EVL: variants seen among roughly 807,000 people sequenced by gnomAD.
The protein encoded by EVL is ena/VASP-like protein.
Under a neutral mutation model 59.6 loss-of-function variants are expected in EVL, and 21 were observed. The ratio of observed to expected loss-of-function variants is 0.35; its 90% CI spans 0.25 to 0.51. EVL has a LOEUF of 0.51. Among genes scored for constraint, EVL ranks in the 20% least tolerant of loss-of-function variants. EVL has a pLI of 0.97. For missense variants in EVL, 462 were observed against 546.6 expected (o/e 0.85, Z 1.54); for synonymous variants, 198 against 203.5 (o/e 0.97, Z 0.23).
chr14:100,003,184 G>C (rs1566966386), intron 1 of EVL, among the ~76,000 whole-genome samples: 2 of 152,094 alleles, frequency 1.3e-5, no homozygotes, highest in South Asian at 4.1e-4. Context: ...TTGAGGAGTT[G>C]AATAGCTTTA....
Position 100,065,483 on chromosome 14 carries a change from TG to T in EVL, c.-17del. The stretch of plus-strand genomic sequence containing the variant: ...GGACTCGCCTCCTCAGGGTTCCCTG[TG>T]CTGCCACTTTTCAGCCATGGCCACA... On this transcript the variant is annotated 5_prime_UTR_variant, in exon 1 of 14. Transcript: ENST00000392920. 1 of 1,513,248 alleles carries T rather than the reference TG, an allele frequency of 6.6e-7. No individual in the cohort carries two copies. The highest frequency in any genetic ancestry group is 8.9e-7 in the Non-Finnish European group (1 of 1,119,108). The allele number at this position is 1,513,248 out of a possible 1,614,324, so 93.7% of individuals were successfully genotyped here. A position where few individuals can be genotyped will look rare whatever the true frequency, so the allele number is the denominator to read the frequency against.
intron 1 of EVL, among the ~76,000 whole-genome samples, chr14:100,083,500 T>C (rs1443558678): frequency 6.6e-6 from 1 of 152,136 alleles, no homozygotes; most frequent in Admixed American, 6.5e-5. Flanking sequence ...GGAATTCTAA[T>C]ATGCTAGAGA....
At chr14:100,027,531 A>G (rs1466244250) in intron 1 of EVL, among the ~76,000 whole-genome samples, 2 of 152,048 alleles carry the variant, frequency 1.3e-5, no homozygotes, top group Non-Finnish European at 2.9e-5. Flanking sequence ...GCCTCATTTC[A>G]CTTAACGTAA....
intron 1 of EVL, among the ~76,000 whole-genome samples, chr14:100,070,266 C>A (rs1212438974): frequency 1.3e-5 from 2 of 151,954 alleles, no homozygotes; most frequent in Non-Finnish European, 2.9e-5. Flanking sequence ...GACCCTACCT[C>A]AAAAAGAAAA....
At chr14:99,993,804 G>A (rs1191268022) in intron 1 of EVL, among the ~76,000 whole-genome samples, 2 of 146,424 alleles carry the variant, frequency 1.4e-5, no homozygotes, top group Non-Finnish European at 3.0e-5. Context: ...CGATTCTTCT[G>A]CCTCAGCCTC....
chr14:99,972,654 T>A lies in EVL; in HGVS notation c.5+597T>A, dbSNP rs2060742490. Reference sequence around the variant, plus strand: ...AGTGCAAGGCCCCCAAATGTACCGCTCGTTGATGTATCACCCAGCTCGGGA... The same window carrying A: ...AGTGCAAGGCCCCCAAATGTACCGCACGTTGATGTATCACCCAGCTCGGGA... On this transcript the variant is annotated intron_variant, in intron 1 of 13. Transcript: ENST00000402714. The surrounding 1 kb of genome is among the most constrained non-coding windows in gnomAD (Gnocchi z 4.4). Among the ~76,000 whole-genome samples, 2 of 152,120 alleles carry A rather than the reference T, an allele frequency of 1.3e-5. No homozygotes were observed. The highest frequency in any genetic ancestry group is 6.5e-5 in the Admixed American group (1 of 15,268).
chr14:100,072,715 C>T (rs538907482), intron 1 of EVL, among the ~76,000 whole-genome samples: 31 of 152,304 alleles, frequency 2.0e-4, no homozygotes, highest in Admixed American at 6.5e-4. Flanking sequence ...TCACATGTGG[C>T]AAATGTTAAC....
chr14:100,110,054 AC>A (rs1487527467), intron 3 of EVL, among the ~76,000 whole-genome samples: 2 of 152,178 alleles, frequency 1.3e-5, no homozygotes, highest in Non-Finnish European at 2.9e-5. Flanking sequence ...GTTTGAAGTT[AC>A]TCTTTTTAAA....
At chr14:100,032,095 AGTG>A (rs2061323256) in intron 1 of EVL, among the ~76,000 whole-genome samples, 1 of 152,238 alleles carries the variant, frequency 6.6e-6, no homozygotes, top group Non-Finnish European at 1.5e-5. Flanking sequence ...GATGGATAAA[AGTG>A]GTGGTTGGAT....
intron 4 of EVL, among the ~76,000 whole-genome samples, 174 bp downstream of exon 4, chr14:100,123,776 G>A (rs182340494): frequency 2.6e-5 from 4 of 152,350 alleles, no homozygotes; most frequent in South Asian, 2.1e-4. Context: ...GGGCCGATGC[G>A]CAGCCGCTGG....
At chr14:100,141,847 G>C in intron 13 of EVL, 54 bp downstream of exon 13, 2 of 1,573,216 alleles carry the variant, frequency 1.3e-6, no homozygotes, top group Non-Finnish European at 1.7e-6. Context: ...GCAGGACAAG[G>C]GTCCCTGTCA....
At chr14:100,081,421 A>T (rs965715994) in intron 1 of EVL, among the ~76,000 whole-genome samples, 1 of 152,178 alleles carries the variant, frequency 6.6e-6, no homozygotes, top group African/African-American at 2.4e-5. Context: ...GCAATAAAAT[A>T]AGAGACAAAC....
intron 1 of EVL, among the ~76,000 whole-genome samples, chr14:100,028,538 C>T (rs531449553): frequency 7.9e-5 from 12 of 152,204 alleles, no homozygotes; most frequent in Admixed American, 3.3e-4. Flanking sequence ...ATCGGCCGGG[C>T]GCGGTGGCTC....
At chr14:100,049,365 G>GCACA (rs1368662667) in intron 1 of EVL, among the ~76,000 whole-genome samples, 3 of 152,196 alleles carry the variant, frequency 2.0e-5, no homozygotes, top group African/African-American at 7.2e-5. Flanking sequence ...AAGCCAAAGA[G>GCACA]CACATGTACT....
Position 100,132,737 on chromosome 14 carries a change from G to T in EVL, c.858G>T (p.Gln286His), listed in dbSNP as rs1275024564. The change falls in exon 8 of 14, where the codon CAG becomes CAT. Residue 286 changes from glutamine to histidine, a missense_variant. By Grantham distance (24) the Gln-to-His change is conservative. Coordinates refer to ENST00000392920, the MANE Select transcript of EVL (RefSeq NM_016337.3). ...TGCCTAGGAGAAAAGCAGCCTCCCA[G>T]TCAGACAAGCCAGCCGAGAAGAAGG... ...LLAKRRKAAS[Q>H]SDKPAEKKED... 3 of 1,614,074 alleles carry T rather than the reference G, an allele frequency of 1.9e-6. No homozygotes were observed. The highest frequency in any genetic ancestry group is 1.7e-6 in the Non-Finnish European group (2 of 1,180,046).
At chr14:100,034,756 A>G (rs539558597) in intron 1 of EVL, among the ~76,000 whole-genome samples, 34 of 152,220 alleles carry the variant, frequency 2.2e-4, no homozygotes, top group African/African-American at 6.3e-4. Context: ...AAAAATGCGT[A>G]AGATAAAAGA....
chr14:100,056,298 A>G (rs2061732048), intron 1 of EVL, among the ~76,000 whole-genome samples: 1 of 146,512 alleles, frequency 6.8e-6, no homozygotes, highest in Non-Finnish European at 1.5e-5. Flanking sequence ...TTTTGGGTCA[A>G]CTCTTTGACC....
At chr14:100,070,062 TAAAAAA>T (rs569848858) in intron 1 of EVL, among the ~76,000 whole-genome samples, 1 of 122,378 alleles carries the variant, frequency 8.2e-6, no homozygotes, top group African/African-American at 3.0e-5. Context: ...CCTCCTCTCT[TAAAAAA>T]AAAAAAAAAA....
intron 3 of EVL, among the ~76,000 whole-genome samples, chr14:100,121,132 G>A (rs912610467): frequency 3.3e-5 from 5 of 152,214 alleles, no homozygotes; most frequent in African/African-American, 9.6e-5. Flanking sequence ...GTCATGTGTA[G>A]TGCCTCACCA....
Sources: gnomAD v4.1 joint callset for allele counts (sites outside exome capture counted in the v4.1 genomes callset) on GRCh38, gnomAD v4.1.1 for gene constraint, Gnocchi (gnomAD v3.1) non-coding constraint, MANE v1.5 for transcripts, NCBI Gene and HGNC (gene_info 2026-07-23, HGNC 2026-07-21) for gene names.